CNTNAP5: variants seen among roughly 807,000 people sequenced by gnomAD.
The protein encoded by CNTNAP5 is contactin associated protein family member 5.
Under a neutral mutation model 150.2 loss-of-function variants are expected in CNTNAP5, and 72 were observed. The observed-to-expected ratio is 0.48, with a 90% CI of 0.40 to 0.58. The LOEUF (loss-of-function observed/expected upper bound fraction) is 0.58, where lower values mean the gene tolerates loss of function less well. Among genes scored for constraint, CNTNAP5 ranks in the 20% least tolerant of loss-of-function variants. The probability of loss-of-function intolerance (pLI) is 0.00; values close to 1 mark genes in which losing one functional copy is unlikely to be tolerated. For missense variants in CNTNAP5, 1,636 were observed against 1,626.2 expected (o/e 1.01, Z -0.10); for synonymous variants, 672 against 619.8 (o/e 1.08, Z -1.25).
chr2:124,199,604 G>A (rs1195080376), intron 1 of CNTNAP5, among the ~76,000 whole-genome samples: 1 of 151,678 alleles, frequency 6.6e-6, no homozygotes, highest in Non-Finnish European at 1.5e-5. Context: ...TAGTAGAGAC[G>A]GGGTTTCTCC....
rs1681904956 is a variant in CNTNAP5 at position 124,058,087 on chromosome 2, G to A, written c.82+32355G>A. Reference sequence around the variant, plus strand: ...CTGGTCAGCAGTGTCTTTTGGGATTGTGATCCTGAAACTACATGGAAGTGA... The same window carrying A: ...CTGGTCAGCAGTGTCTTTTGGGATTATGATCCTGAAACTACATGGAAGTGA... On this transcript the variant is annotated intron_variant, in intron 1 of 23. Coordinates refer to ENST00000682447, the MANE Select transcript of CNTNAP5 (RefSeq NM_001367498.1). Among the ~76,000 whole-genome samples, 5 of 152,188 alleles carry A rather than the reference G, an allele frequency of 3.3e-5. No homozygotes were observed. The South Asian group carries it at 1.0e-3, about 32-fold the overall frequency.
rs1208256072 is a variant in CNTNAP5 at position 124,907,700 on chromosome 2, G to C, written c.3656-3767G>C. Among the ~76,000 whole-genome samples the C allele has an allele frequency of 2.0e-5, 3 of 150,848 alleles. No individual in the cohort carries two copies. The South Asian group carries it at 6.3e-4, about 32-fold the overall frequency. ...AAAACTAAAAGATAGCTCTAAAATT[G>C]TTAAAGACAATTTAGACACACTGTG... On this transcript the variant is annotated intron_variant, in intron 22 of 23. Coordinates refer to ENST00000682447, the MANE Select transcript of CNTNAP5 (RefSeq NM_001367498.1).
chr2:124,078,052 A>G (rs1426187398), intron 1 of CNTNAP5, among the ~76,000 whole-genome samples: 1 of 152,240 alleles, frequency 6.6e-6, no homozygotes, highest in Non-Finnish European at 1.5e-5. Flanking sequence ...CTCAGGAAAT[A>G]AAATATTACA....
intron 3 of CNTNAP5, among the ~76,000 whole-genome samples, chr2:124,392,687 CAAAAAAAAAAAAAA>C (rs35107442): frequency 2.9e-5 from 2 of 68,796 alleles, no homozygotes; most frequent in African/African-American, 5.6e-5. Context: ...TTTTCTTTGC[CAAAAAAAAAAAAAA>C]AAAAAAAAAG....
intron 14 of CNTNAP5, 37 bp from the exon 15 acceptor site, chr2:124,763,634 AT>A (rs1681004273): frequency 6.3e-7 from 1 of 1,591,002 alleles, no homozygotes; most frequent in Non-Finnish European, 8.6e-7. Context: ...GATTATCCAC[AT>A]TTTGTCCTCT....
intron 1 of CNTNAP5, among the ~76,000 whole-genome samples, chr2:124,053,263 T>C (rs1189224356): frequency 6.6e-6 from 1 of 152,184 alleles, no homozygotes; most frequent in African/African-American, 2.4e-5. Flanking sequence ...CCAAAAATCA[T>C]CAGATTCAGC....
At chr2:124,851,040 G>A (rs1264743707) in intron 19 of CNTNAP5, among the ~76,000 whole-genome samples, 1 of 152,124 alleles carries the variant, frequency 6.6e-6, no homozygotes, top group Non-Finnish European at 1.5e-5. Flanking sequence ...AAACCATCAG[G>A]GAGCAGAGAA....
intron 5 of CNTNAP5, among the ~76,000 whole-genome samples, chr2:124,437,216 TCATCTCAAATTTCATTA>T (rs1179117540): frequency 6.6e-6 from 1 of 152,174 alleles, no homozygotes; most frequent in Non-Finnish European, 1.5e-5. Flanking sequence ...AACAGGGTTT[TCATCTCAAATTTCATTA>T]TTCCTGTTGG....
At chr2:124,443,354 C>T (rs2104802915) in intron 5 of CNTNAP5, among the ~76,000 whole-genome samples, 1 of 151,084 alleles carries the variant, frequency 6.6e-6, no homozygotes, top group African/African-American at 2.4e-5. Context: ...TGGGAAAGCT[C>T]TTTGTATTCT....
At chr2:124,275,716 C>T (rs1002616508) in intron 3 of CNTNAP5, among the ~76,000 whole-genome samples, 6 of 152,102 alleles carry the variant, frequency 3.9e-5, no homozygotes, top group Admixed American at 3.3e-4. Context: ...TGGTTTTTCT[C>T]ACATGGCATA....
intron 7 of CNTNAP5, among the ~76,000 whole-genome samples, chr2:124,487,576 T>G (rs1693915493): frequency 6.6e-6 from 1 of 152,092 alleles, no homozygotes; most frequent in East Asian, 2.0e-4. Flanking sequence ...AAATGGAAGA[T>G]CCAGCAGCCC....
chr2:124,453,558 A>G (rs185754003), intron 6 of CNTNAP5, among the ~76,000 whole-genome samples: 2 of 152,212 alleles, frequency 1.3e-5, no homozygotes, highest in Non-Finnish European at 2.9e-5. Flanking sequence ...TCACCAAAAG[A>G]TCATTGCCTA....
chr2:124,659,390 T>A (rs1258036661), intron 13 of CNTNAP5, among the ~76,000 whole-genome samples: 1 of 152,156 alleles, frequency 6.6e-6, no homozygotes, highest in Non-Finnish European at 1.5e-5. Flanking sequence ...TAAATCATTA[T>A]CTTGGAAAGA....
intron 1 of CNTNAP5, among the ~76,000 whole-genome samples, chr2:124,028,872 G>A (rs544313854): frequency 6.6e-6 from 1 of 152,168 alleles, no homozygotes; most frequent in African/African-American, 2.4e-5. Context: ...AAACAGAACA[G>A]CAGGTAAATA....
intron 1 of CNTNAP5, among the ~76,000 whole-genome samples, chr2:124,097,710 A>G (rs1407458264): frequency 6.6e-6 from 1 of 152,168 alleles, no homozygotes; most frequent in East Asian, 1.9e-4. Flanking sequence ...GGACTGCCCC[A>G]ACCCGGTCAA....
chr2:124,522,962 C>T (rs1418630946), intron 8 of CNTNAP5, among the ~76,000 whole-genome samples: 3 of 152,150 alleles, frequency 2.0e-5, no homozygotes. Flanking sequence ...CCCAGAATTG[C>T]AAGAGGTGGT....
chr2:124,524,364 C>A lies in CNTNAP5; in HGVS notation c.1389C>A (p.Ile463=). ...GCATCAACGCCAGGAGGAACCGCAT[C>A]ACGCTCACTCTGGATGATGAAGCAG... ...SVSINARRNR[I]TLTLDDEAAP... Residue 463 remains isoleucine, a synonymous_variant, in exon 9 of 24, where the codon ATC becomes ATA. Transcript: ENST00000682447. The A allele has an allele frequency of 6.2e-7, 1 of 1,613,860 alleles. No homozygotes were observed. Among genetic ancestry groups the A allele is most frequent in the Non-Finnish European group, 8.5e-7 (1 of 1,179,828 alleles).
rs1032317218 is a variant in CNTNAP5 at position 124,445,175 on chromosome 2, C to T, written c.734-1578C>T. On this transcript the variant is annotated intron_variant, in intron 5 of 23. Coordinates refer to ENST00000682447, the MANE Select transcript of CNTNAP5 (RefSeq NM_001367498.1). ...CGCGATCTCAGCTCACTGCAACCTC[C>T]GCCTCCCAGGTTCAAGCAATTCTCC... Among the ~76,000 whole-genome samples, 10 of 151,656 alleles carry T rather than the reference C, an allele frequency of 6.6e-5. No homozygotes were observed. In the East Asian group the frequency reaches 1.2e-3, roughly 18 times the overall value.
intron 11 of CNTNAP5, among the ~76,000 whole-genome samples, chr2:124,591,329 T>A (rs1304463826): frequency 6.6e-6 from 1 of 152,154 alleles, no homozygotes; most frequent in East Asian, 1.9e-4. Context: ...ATGTAGCAAG[T>A]CATTTCATAT....
Sources: gnomAD v4.1 joint callset for allele counts (sites outside exome capture counted in the v4.1 genomes callset) on GRCh38, gnomAD v4.1.1 for gene constraint, MANE v1.5 for transcripts, NCBI Gene and HGNC (gene_info 2026-07-23, HGNC 2026-07-21) for gene names.